Variants in GAREM1 observed in about 807,000 individuals in gnomAD.
GAREM1 encodes the protein GRB2-associated and regulator of MAPK protein 1.
In GAREM1, 26 loss-of-function variants were observed where a neutral mutation model predicts 71.3. The ratio of observed to expected loss-of-function variants is 0.36; its 90% CI spans 0.27 to 0.51. GAREM1 has a LOEUF of 0.51. Among genes scored for constraint, GAREM1 ranks in the 20% least tolerant of loss-of-function variants. The pLI is 0.95. For missense variants in GAREM1, 1,026 were observed against 1,103.1 expected, an observed-to-expected ratio of 0.93 and a Z score of 0.99; for synonymous variants, 440 against 433.2, an observed-to-expected ratio of 1.02 and a Z score of -0.20.
chr18:32,345,908 C>T (rs1370759075), intron 2 of GAREM1, among the ~76,000 whole-genome samples: 1 of 152,054 alleles, frequency 6.6e-6, no homozygotes, highest in Admixed American at 6.6e-5. Flanking sequence ...TTATATCACA[C>T]TTTGGGCTGG....
chr18:32,397,428 C>T (rs914104026), intron 1 of GAREM1, among the ~76,000 whole-genome samples: 7 of 152,194 alleles, frequency 4.6e-5, no homozygotes, highest in Admixed American at 6.5e-5. Context: ...CAGAGACACA[C>T]ATAAGCTCAA....
intron 2 of GAREM1, among the ~76,000 whole-genome samples, chr18:32,328,384 G>A (rs1189730599): frequency 1.3e-5 from 2 of 152,208 alleles, no homozygotes; most frequent in African/African-American, 4.8e-5. Flanking sequence ...GCTGGCTGGT[G>A]TGGTTGATAA....
chr18:32,427,275 A>C (rs569281682), intron 1 of GAREM1, among the ~76,000 whole-genome samples: 31 of 152,348 alleles, frequency 2.0e-4, no homozygotes, highest in African/African-American at 7.0e-4. Context: ...TTTACTGAGC[A>C]GCAATTCTTT....
rs372799809 is a variant in GAREM1 at position 32,287,307 on chromosome 18, C to T, written c.1290G>A (p.Gly430=). The change falls in exon 4 of 6, where the codon GGG becomes GGA. Residue 430 remains glycine (G), a synonymous_variant. Transcript: ENST00000269209. This position sits in a 1 kb window ranked among gnomAD's most constrained non-coding sequence, Gnocchi z 5.9. ...ILPYQDSGDS[G]SDYLFPEASE... is the part of the protein sequence containing the mutation. ...TAGCTTCTGGGAAAAGGTAGTCGCTCCCACTATCTCCAGAGTCCTGATAGG... is the reference window on the plus strand; with the variant it reads ...TAGCTTCTGGGAAAAGGTAGTCGCTTCCACTATCTCCAGAGTCCTGATAGG... 47 of 1,614,090 alleles carry T rather than the reference C, an allele frequency of 2.9e-5. No homozygotes were observed. The highest frequency in any genetic ancestry group is 2.9e-4 in the South Asian group (26 of 91,088).
intron 2 of GAREM1, among the ~76,000 whole-genome samples, chr18:32,377,598 C>T (rs2048043663): frequency 6.6e-6 from 1 of 152,318 alleles, no homozygotes; most frequent in East Asian, 1.9e-4. Flanking sequence ...GAGTCTCGTT[C>T]TGTCGCCCAG....
intron 2 of GAREM1, among the ~76,000 whole-genome samples, chr18:32,389,817 T>C (rs946354041): frequency 7.2e-5 from 11 of 152,100 alleles, no homozygotes; most frequent in Non-Finnish European, 1.5e-4. Flanking sequence ...ATATATACAC[T>C]ATAACCTTGA....
In GAREM1 at chr18:32,420,755, G is replaced by GAAAAA. The variant is rs10683034; in HGVS notation, c.122-27725_122-27721dup. 5.1e-3 allele frequency among the ~76,000 whole-genome samples: 624 copies of GAAAAA among 123,188 alleles called. 9 individuals carry two copies. The highest frequency in any genetic ancestry group is 0.014 in the African/African-American group (489 of 34,662). 80.8% of individuals were successfully genotyped at this position (123,188 alleles called of 152,430 possible). A position where few individuals can be genotyped will look rare whatever the true frequency, so the allele number is the denominator to read the frequency against. ...GTGAGACCCCCTTCTCTTCAAAAAT[G>GAAAAA]AAAAAAAAAAAAAAATAGAATCCCA... On this transcript the variant is annotated intron_variant, in intron 1 of 5. Coordinates refer to ENST00000269209, the MANE Select transcript of GAREM1 (RefSeq NM_001242409.2).
chr18:32,417,503 T>G (rs540094939), intron 1 of GAREM1, among the ~76,000 whole-genome samples: 1 of 151,916 alleles, frequency 6.6e-6, no homozygotes, highest in Non-Finnish European at 1.5e-5. Flanking sequence ...ATAAAGAAAA[T>G]GTGGAACTTA....
At chr18:32,464,726 C>T (rs938944399) in intron 1 of GAREM1, among the ~76,000 whole-genome samples, 1 of 152,104 alleles carries the variant, frequency 6.6e-6, no homozygotes, top group Non-Finnish European at 1.5e-5. Context: ...CTGCTGCTAC[C>T]TAAATGATAT....
intron 4 of GAREM1, among the ~76,000 whole-genome samples, chr18:32,283,581 T>C (rs1422907733): frequency 2.0e-5 from 3 of 151,918 alleles, no homozygotes; most frequent in Non-Finnish European, 4.4e-5. Context: ...TAAAAAATTA[T>C]TAAACAATCT....
intron 1 of GAREM1, among the ~76,000 whole-genome samples, chr18:32,446,487 G>C (rs2048787616): frequency 6.6e-6 from 1 of 152,056 alleles, no homozygotes; most frequent in Non-Finnish European, 1.5e-5. Flanking sequence ...AATGCAAGCT[G>C]GACTATCCTG....
At chr18:32,340,878 C>A (rs923581624) in intron 2 of GAREM1, among the ~76,000 whole-genome samples, 1 of 152,164 alleles carries the variant, frequency 6.6e-6, no homozygotes, top group Non-Finnish European at 1.5e-5. Flanking sequence ...TCCAATCTCA[C>A]CCCCTGAAGA....
At chr18:32,318,682 T>C (rs1446087196) in intron 2 of GAREM1, among the ~76,000 whole-genome samples, 3 of 152,158 alleles carry the variant, frequency 2.0e-5, no homozygotes, top group Non-Finnish European at 4.4e-5. Context: ...CGGTGGGCCC[T>C]CTTTTGCAGC....
At chr18:32,406,891 A>T (rs2048371662) in intron 1 of GAREM1, among the ~76,000 whole-genome samples, 1 of 152,220 alleles carries the variant, frequency 6.6e-6, no homozygotes, top group Admixed American at 6.5e-5. Flanking sequence ...ATCAAATAAA[A>T]CTATCTGAAG....
chr18:32,424,553 C>T (rs2048555197), intron 1 of GAREM1, among the ~76,000 whole-genome samples: 2 of 152,088 alleles, frequency 1.3e-5, no homozygotes, highest in Middle Eastern at 3.2e-3. Context: ...GGGTCTGATA[C>T]ATTTCAAACC....
At chr18:32,348,172 A>G (rs950048616) in intron 2 of GAREM1, among the ~76,000 whole-genome samples, 1 of 152,226 alleles carries the variant, frequency 6.6e-6, no homozygotes, top group Non-Finnish European at 1.5e-5. Flanking sequence ...CATAAAATTC[A>G]CAATGATTTG....
chr18:32,391,783 G>C (rs972661991), intron 2 of GAREM1, among the ~76,000 whole-genome samples: 1 of 152,120 alleles, frequency 6.6e-6, no homozygotes, highest in African/African-American at 2.4e-5. Flanking sequence ...TTAGGGCTAG[G>C]AAATACAATT....
intron 1 of GAREM1, among the ~76,000 whole-genome samples, chr18:32,463,728 C>G (rs2048973454): frequency 6.6e-6 from 1 of 151,830 alleles, no homozygotes; most frequent in Non-Finnish European, 1.5e-5. Flanking sequence ...TGCCACCACA[C>G]CCAGCTAATT....
intron 2 of GAREM1, among the ~76,000 whole-genome samples, chr18:32,371,287 A>G (rs1281168380): frequency 6.6e-6 from 1 of 152,192 alleles, no homozygotes; most frequent in East Asian, 1.9e-4. Flanking sequence ...GATCCACAAA[A>G]GAATTTATGC....
Sources: allele counts gnomAD v4.1 joint callset (sites outside exome capture counted in the v4.1 genomes callset), GRCh38; gene constraint gnomAD v4.1.1; non-coding constraint Gnocchi (gnomAD v3.1); transcripts MANE v1.5; gene names NCBI Gene and HGNC (gene_info 2026-07-23, HGNC 2026-07-21).